KIAA0513: variants seen among roughly 807,000 people sequenced by gnomAD.
KIAA0513 encodes uncharacterized protein KIAA0513.
KIAA0513 carries 39 observed loss-of-function variants against 56.5 expected under a neutral mutation model. That is an observed-to-expected ratio of 0.69 (90% CI 0.53 to 0.90). The LOEUF is 0.90. KIAA0513 is among the 40% of genes least tolerant of loss of function. The probability of loss-of-function intolerance (pLI) is 0.00; values close to 1 mark genes in which losing one functional copy is unlikely to be tolerated. For missense variants in KIAA0513, 591 were observed against 535.2 expected, an observed-to-expected ratio of 1.10 and a Z score of -1.03; for synonymous variants, 268 against 215.6, an observed-to-expected ratio of 1.24 and a Z score of -2.13.
rs2073677706 is a variant in KIAA0513 at position 85,077,653 on chromosome 16, C to T, written c.782+21C>T. On this transcript the variant is annotated intron_variant, in intron 6 of 12. Coordinates refer to ENST00000683363, the MANE Select transcript of KIAA0513 (RefSeq NM_001388359.1). ...AACGAGTACGTGTGGCCTTGGGGTCCCTCCCACCTGCAGGGGACTGGGGAG... is the reference window on the plus strand; with the variant it reads ...AACGAGTACGTGTGGCCTTGGGGTCTCTCCCACCTGCAGGGGACTGGGGAG... 5 of 1,569,020 alleles carry T rather than the reference C, an allele frequency of 3.2e-6. No homozygotes were observed. The African/African-American group carries it at 5.4e-5, about 17-fold the overall frequency.
At chr16:85,057,361 T>A (rs988537773) in intron 1 of KIAA0513, among the ~76,000 whole-genome samples, 1 of 152,184 alleles carries the variant, frequency 6.6e-6, no homozygotes, top group Non-Finnish European at 1.5e-5. Flanking sequence ...TTAAACTGTT[T>A]CTCCCCCATC....
chr16:85,035,649 C>T (rs1272775927), intron 1 of KIAA0513, among the ~76,000 whole-genome samples: 1 of 152,170 alleles, frequency 6.6e-6, no homozygotes. Flanking sequence ...TGCCACCATG[C>T]CCCACTAATT....
At position 85,066,995 on chromosome 16, in the gene KIAA0513, C is replaced by T; in HGVS notation, c.-77C>T. 1.5e-6 allele frequency: 2 copies of T among 1,345,732 alleles called. No individual in the cohort carries two copies. The highest frequency in any genetic ancestry group is 1.5e-5 in the African/African-American group (1 of 68,482). The allele number at this position is 1,345,732 out of a possible 1,614,324, so 83.4% of individuals were successfully genotyped here. Reference sequence around the variant, plus strand: ...AGCTTGGTGGGCTCCTACTAACGCACCTGGGACACCAGGCTGCTGGGCTCC... The same window carrying T: ...AGCTTGGTGGGCTCCTACTAACGCATCTGGGACACCAGGCTGCTGGGCTCC... On this transcript the variant is annotated 5_prime_UTR_variant, in exon 2 of 13. Coordinates refer to ENST00000683363, the MANE Select transcript of KIAA0513 (RefSeq NM_001388359.1).
chr16:85,087,176 G>A lies in KIAA0513; in HGVS notation c.1186+10G>A. 6.2e-7 allele frequency: 1 copy of A among 1,611,728 alleles called. No individual in the cohort carries two copies. The highest frequency in any genetic ancestry group is 8.5e-7 in the Non-Finnish European group (1 of 1,177,802). ...GGCAACCTGGATGAAGGTGCGTCTG[G>A]GGGAGGCTGCTGGCAGGAGGCGGGC... On this transcript the variant is annotated intron_variant, in intron 12 of 12. Transcript: ENST00000683363.
At chr16:85,066,775 G>T (rs2073488028) in intron 1 of KIAA0513, 125 bp from the exon 2 acceptor site, 4 of 370,358 alleles carry the variant, frequency 1.1e-5, no homozygotes, top group Non-Finnish European at 1.9e-5. Flanking sequence ...ACAGTAGGAA[G>T]ATGATAGCAA....
At position 85,088,539 on chromosome 16, in the gene KIAA0513, C is replaced by T; in HGVS notation, c.*214C>T. The stretch of plus-strand genomic sequence containing the variant: ...CCCCCATCCATGTGCCAAAGTGTCC[C>T]TTGGGTCACACAGCTAAAGCCGAGG... On this transcript the variant is annotated 3_prime_UTR_variant, in exon 13 of 13. Coordinates refer to ENST00000683363, the MANE Select transcript of KIAA0513 (RefSeq NM_001388359.1). The T allele has an allele frequency of 1.7e-6, 1 of 576,300 alleles. No homozygotes were observed. The highest frequency in any genetic ancestry group is 3.1e-6 in the Non-Finnish European group (1 of 321,182). The allele number at this position is 576,300 out of a possible 1,614,324, so 35.7% of individuals were successfully genotyped here. A position where few individuals can be genotyped will look rare whatever the true frequency, so the allele number is the denominator to read the frequency against.
At chr16:85,084,038 G>A (rs1192588853) in intron 10 of KIAA0513, among the ~76,000 whole-genome samples, 1 of 149,900 alleles carries the variant, frequency 6.7e-6, no homozygotes, top group Non-Finnish European at 1.5e-5. Context: ...GACCAGTACT[G>A]GAAATTGAAC....
intron 2 of KIAA0513, among the ~76,000 whole-genome samples, chr16:85,068,724 C>T (rs1293504225): frequency 1.3e-5 from 2 of 152,174 alleles, no homozygotes; most frequent in Admixed American, 6.5e-5. Context: ...GCCTCGGCCT[C>T]CCAAAGTGCT....
intron 10 of KIAA0513, among the ~76,000 whole-genome samples, chr16:85,084,375 A>G (rs1338706014): frequency 6.8e-6 from 1 of 147,000 alleles, no homozygotes; most frequent in South Asian, 2.1e-4. Context: ...CCTCCCGAGT[A>G]GCTGGGATTA....
chr16:85,033,347 C>T (rs935542676), intron 1 of KIAA0513, among the ~76,000 whole-genome samples: 3 of 152,186 alleles, frequency 2.0e-5, no homozygotes, highest in Non-Finnish European at 2.9e-5. Flanking sequence ...GGTCAGGATG[C>T]AGGGTTTCTC....
At chr16:85,068,474 A>G (rs1248831956) in intron 2 of KIAA0513, among the ~76,000 whole-genome samples, 2 of 152,074 alleles carry the variant, frequency 1.3e-5, no homozygotes, top group African/African-American at 2.4e-5. Context: ...CTGGGACTAC[A>G]GGTGCCCGCC....
intron 4 of KIAA0513, among the ~76,000 whole-genome samples, chr16:85,074,589 T>C (rs1244666534): frequency 6.6e-6 from 1 of 152,160 alleles, no homozygotes; most frequent in Non-Finnish European, 1.5e-5. Flanking sequence ...AGTATCCCTA[T>C]TTTTCCTGCT....
chr16:85,077,482 C>A lies in KIAA0513; in HGVS notation c.632C>A (p.Ser211Tyr), dbSNP rs752373730. 6.2e-7 allele frequency: 1 copy of A among 1,614,188 alleles called. No individual in the cohort carries two copies. Among genetic ancestry groups the A allele is most frequent in the Admixed American group, 1.7e-5 (1 of 60,026 alleles). ...GAGAAGCCCGCGGGCAGCATCGACTCCTACCTGAAATCCGCAAACAGCTGG... is the reference window on the plus strand; with the variant it reads ...GAGAAGCCCGCGGGCAGCATCGACTACTACCTGAAATCCGCAAACAGCTGG... ...SREKPAGSID[S>Y]YLKSANSWLA... The change falls in exon 6 of 13, where the codon TCC becomes TAC. Residue 211 changes from serine to tyrosine, a missense_variant. Coordinates refer to ENST00000683363, the MANE Select transcript of KIAA0513 (RefSeq NM_001388359.1).
intron 1 of KIAA0513, among the ~76,000 whole-genome samples, chr16:85,054,582 A>G (rs2073301948): frequency 6.6e-6 from 1 of 151,692 alleles, no homozygotes; most frequent in African/African-American, 2.4e-5. Flanking sequence ...GGTGTGCACC[A>G]CCACACCTGG....
chr16:85,029,528 C>T (rs1488330188), intron 1 of KIAA0513, among the ~76,000 whole-genome samples: 1 of 152,248 alleles, frequency 6.6e-6, no homozygotes, highest in Non-Finnish European at 1.5e-5. Context: ...ACTGCTTCTT[C>T]AAAGGTGAAT....
rs758640547 is a variant in KIAA0513, at chr16:85,056,339, C to T, written c.-172-10561C>T. Among the ~76,000 whole-genome samples the T allele has an allele frequency of 3.3e-5, 5 of 152,218 alleles. No individual in the cohort carries two copies. In the South Asian group the frequency reaches 1.0e-3, roughly 32 times the overall value. On this transcript the variant is annotated intron_variant, in intron 1 of 12. Transcript: ENST00000683363. ...CTCAACACCGCCATGAGAAGTCTTT[C>T]AAACGCCCTGGAAGTTAGGTTCAGG...
intron 8 of KIAA0513, among the ~76,000 whole-genome samples, chr16:85,080,265 A>C (rs905970909): frequency 6.6e-6 from 1 of 152,098 alleles, no homozygotes; most frequent in African/African-American, 2.4e-5. Flanking sequence ...CTGTCTTTTC[A>C]TTGTCACTTG....
intron 10 of KIAA0513, among the ~76,000 whole-genome samples, 187 bp downstream of exon 10, chr16:85,082,780 T>C (rs1236996225): frequency 6.6e-6 from 1 of 152,150 alleles, no homozygotes; most frequent in Non-Finnish European, 1.5e-5. Flanking sequence ...AGGCTGGCAA[T>C]GCGTCCCAGA....
intron 2 of KIAA0513, among the ~76,000 whole-genome samples, chr16:85,070,223 C>T (rs964726011): frequency 1.3e-5 from 2 of 151,570 alleles, no homozygotes; most frequent in African/African-American, 4.9e-5. Flanking sequence ...CTGCAGAGTC[C>T]ATTGTTTCCA....
Sources: gnomAD v4.1 joint callset for allele counts (sites outside exome capture counted in the v4.1 genomes callset) on GRCh38, gnomAD v4.1.1 for gene constraint, MANE v1.5 for transcripts, NCBI Gene and HGNC (gene_info 2026-07-23, HGNC 2026-07-21) for gene names.